The following NRF1 variants were observed in gnomAD, a reference collection of about 807,000 sequenced individuals.
NRF1 encodes alpha palindromic-binding protein.
Under a neutral mutation model 58.5 loss-of-function variants are expected in NRF1, and 5 were observed. That is an observed-to-expected ratio of 0.09 (90% CI 0.04 to 0.18). The LOEUF (loss-of-function observed/expected upper bound fraction) is 0.18, where lower values mean the gene tolerates loss of function less well. NRF1 is among the 10% of genes least tolerant of loss of function. NRF1 has a pLI of 1.00. For synonymous variants in NRF1, 224 were observed against 246.7 expected, an observed-to-expected ratio of 0.91 and a Z score of 0.86; for missense variants, 288 against 657.7, an observed-to-expected ratio of 0.44 and a Z score of 6.15.
intron 5 of NRF1, among the ~76,000 whole-genome samples, chr7:129,699,556 A>C (rs1802770591): frequency 6.6e-6 from 1 of 151,746 alleles, no homozygotes; most frequent in South Asian, 2.1e-4. Flanking sequence ...TCTACTAAAA[A>C]TTTTTTTGTA....
intron 5 of NRF1, among the ~76,000 whole-genome samples, chr7:129,704,867 A>G (rs1802913226): frequency 6.6e-6 from 1 of 152,252 alleles, no homozygotes; most frequent in Non-Finnish European, 1.5e-5. Flanking sequence ...ATTAAGGATT[A>G]AAACTGTGCT....
chr7:129,644,138 T>G (rs975201878), intron 1 of NRF1, among the ~76,000 whole-genome samples: 1 of 152,246 alleles, frequency 6.6e-6, no homozygotes, highest in African/African-American at 2.4e-5. Context: ...AGAATAGGAT[T>G]TGTTTTTTAA....
chr7:129,723,952 A>G (rs954776481), intron 9 of NRF1, among the ~76,000 whole-genome samples: 2 of 152,214 alleles, frequency 1.3e-5, no homozygotes, highest in Non-Finnish European at 2.9e-5. Flanking sequence ...ATGACCTACA[A>G]CTATAAAACT....
intron 10 of NRF1, chr7:129,734,979 G>C: frequency 1.2e-6 from 1 of 842,362 alleles, no homozygotes; most frequent in Non-Finnish European, 1.4e-6. Context: ...GGATCCTGGG[G>C]AAAGGGTCAG....
intron 1 of NRF1, among the ~76,000 whole-genome samples, chr7:129,617,133 T>A (rs1415817799): frequency 1.3e-5 from 2 of 152,222 alleles, no homozygotes; most frequent in Non-Finnish European, 2.9e-5. Flanking sequence ...AAGAACTCTT[T>A]AAGTGGTGCC....
intron 6 of NRF1, among the ~76,000 whole-genome samples, chr7:129,709,800 G>A (rs190059493): frequency 8.9e-4 from 130 of 145,314 alleles, no homozygotes; most frequent in African/African-American, 3.1e-3. Context: ...ACGTGACCTC[G>A]GCTCGCCGCA....
intron 1 of NRF1, among the ~76,000 whole-genome samples, chr7:129,616,205 G>A (rs1428320685): frequency 1.3e-5 from 2 of 152,192 alleles, no homozygotes; most frequent in Non-Finnish European, 2.9e-5. Flanking sequence ...GTTTTAAAAT[G>A]TGAACATTTA....
chr7:129,676,850 G>T (rs1802190645), intron 3 of NRF1, among the ~76,000 whole-genome samples: 1 of 152,002 alleles, frequency 6.6e-6, no homozygotes, highest in South Asian at 2.1e-4. Flanking sequence ...AATAAAACTA[G>T]GTATGCTTGT....
At chr7:129,625,358 T>A (rs746363515) in intron 1 of NRF1, among the ~76,000 whole-genome samples, 9 of 152,166 alleles carry the variant, frequency 5.9e-5, no homozygotes, top group Non-Finnish European at 1.2e-4. Flanking sequence ...TGTGAACATA[T>A]CTTTTTGGGA....
intron 10 of NRF1, chr7:129,744,080 T>C: frequency 8.5e-7 from 1 of 1,171,722 alleles, no homozygotes; most frequent in Non-Finnish European, 1.2e-6. Context: ...CAGATGTGCA[T>C]GGGAGGCTGC....
intron 10 of NRF1, among the ~76,000 whole-genome samples, chr7:129,746,850 CT>C (rs1406621876): frequency 3.3e-5 from 5 of 152,196 alleles, no homozygotes; most frequent in Non-Finnish European, 7.3e-5. Context: ...TTAGCTCTCT[CT>C]TTTTCTCTCA....
intron 1 of NRF1, among the ~76,000 whole-genome samples, chr7:129,644,064 G>A (rs780683467): frequency 1.3e-5 from 2 of 152,192 alleles, no homozygotes; most frequent in African/African-American, 4.8e-5. Flanking sequence ...CCTTCAGGAT[G>A]CCTGCCCCAT....
intron 1 of NRF1, among the ~76,000 whole-genome samples, chr7:129,629,810 GAT>G (rs895230278): frequency 1.9e-4 from 29 of 152,268 alleles, no homozygotes; most frequent in African/African-American, 7.0e-4. Context: ...GAAGGTGAAA[GAT>G]ATAATGGCTA....
chr7:129,675,858 C>T (rs1156338152), intron 3 of NRF1, among the ~76,000 whole-genome samples: 1 of 152,198 alleles, frequency 6.6e-6, no homozygotes, highest in Non-Finnish European at 1.5e-5. Flanking sequence ...TCAACCTGTC[C>T]TTTGAAGCTT....
intron 3 of NRF1, among the ~76,000 whole-genome samples, chr7:129,672,013 C>G (rs1413138205): frequency 2.0e-5 from 3 of 152,010 alleles, no homozygotes; most frequent in Middle Eastern, 3.4e-3. Flanking sequence ...GTTAAGGCAG[C>G]CTTTGAACAG....
At position 129,711,461 on chromosome 7, in the gene NRF1, A is replaced by G. The variant is rs762218298; in HGVS notation, c.964-14A>G. On this transcript the variant is annotated splice_polypyrimidine_tract_variant and intron_variant, in intron 7 of 10. Coordinates refer to ENST00000393232, the MANE Select transcript of NRF1 (RefSeq NM_005011.5). ...ATCCACTGACACTTAACCACTTTCC[A>G]TATTTTTCTTTAGGTTGGTACGGGG... The G allele has an allele frequency of 1.2e-5, 19 of 1,599,536 alleles. No homozygotes were observed. The highest frequency in any genetic ancestry group is 1.5e-5 in the Non-Finnish European group (18 of 1,170,458).
chr7:129,717,695 A>C (rs1482644520), intron 9 of NRF1, among the ~76,000 whole-genome samples: 2 of 152,162 alleles, frequency 1.3e-5, no homozygotes. Context: ...TCATCTCCGC[A>C]TCATTCTTCA....
chr7:129,692,246 A>G (rs1050112786), intron 5 of NRF1, among the ~76,000 whole-genome samples: 3 of 152,082 alleles, frequency 2.0e-5, no homozygotes, highest in Non-Finnish European at 2.9e-5. Flanking sequence ...TCCATTCTCC[A>G]TGTAGCCATC....
intron 10 of NRF1, among the ~76,000 whole-genome samples, chr7:129,731,213 A>G (rs539428621): frequency 1.3e-5 from 2 of 151,758 alleles, no homozygotes; most frequent in African/African-American, 2.4e-5. Context: ...GGAGATTGCA[A>G]TGAGCTGAGA....
Sources: allele counts gnomAD v4.1 joint callset (sites outside exome capture counted in the v4.1 genomes callset), GRCh38; gene constraint gnomAD v4.1.1; transcripts MANE v1.5; gene names NCBI Gene and HGNC (gene_info 2026-07-23, HGNC 2026-07-21).